Variants in SCNM1 observed in about 807,000 individuals in gnomAD.
SCNM1 encodes sodium channel modifier 1.
SCNM1 carries 24 observed loss-of-function variants against 32.8 expected under a neutral mutation model. The observed-to-expected ratio is 0.73, with a 90% CI of 0.53 to 1.03. SCNM1 has a LOEUF of 1.03. Ranked by LOEUF, SCNM1 falls within the 50% of genes least tolerant of loss-of-function variation. The pLI, the probability that SCNM1 is intolerant of heterozygous loss-of-function variation, is 0.00. For synonymous variants in SCNM1, 99 were observed against 103.2 expected (o/e 0.96, Z 0.25); for missense variants, 274 against 282.3 (o/e 0.97, Z 0.21).
rs376280597 is a variant in SCNM1 at position 151,170,100 on chromosome 1, C to T, written c.*1015C>T. The T allele has an allele frequency of 7.8e-5, 126 of 1,614,052 alleles. No homozygotes were observed. The highest frequency in any genetic ancestry group is 9.7e-5 in the Non-Finnish European group (115 of 1,180,028). ...GCAGTGTTATCTCTTCTTTTGCTGG[C>T]GACCTGTAAAGGAGCAATATTAAAC... is the stretch of plus-strand genomic sequence containing the variant. On this transcript the variant is annotated 3_prime_UTR_variant, in exon 7 of 7. Coordinates refer to ENST00000368905, the MANE Select transcript of SCNM1 (RefSeq NM_024041.4).
chr1:151,168,002 A>C (rs1683788205), intron 5 of SCNM1, 142 bp from the exon 6 acceptor site: 1 of 976,844 alleles, frequency 1.0e-6, no homozygotes, highest in East Asian at 2.7e-5. Flanking sequence ...TCCCAAATTC[A>C]TGATTCTGAA....
Position 151,167,385 on chromosome 1 carries a change from C to T in SCNM1, c.369C>T (p.His123=). ...ITQSALHRAP[H]YNSCCRRKYR... is the part of the protein sequence containing the mutation. ...AGAGTGCTCTGCACAGAGCTCCCCA[C>T]TATAACAGTTGCTGCCGCCGGAAGT... Residue 123 remains histidine (H), a synonymous_variant, in exon 5 of 7, where the codon CAC becomes CAT. Coordinates refer to ENST00000368905, the MANE Select transcript of SCNM1 (RefSeq NM_024041.4). 1 of 1,614,198 alleles carries T rather than the reference C, an allele frequency of 6.2e-7. No homozygotes were observed. Among genetic ancestry groups the T allele is most frequent in the Non-Finnish European group, 8.5e-7 (1 of 1,180,052 alleles).
In SCNM1 at chr1:151,168,293, G is replaced by GCC. The variant is rs1558206223; in HGVS notation, c.551_552dup (p.Thr185ProfsTer27). 1.2e-6 allele frequency: 2 copies of GCC among 1,613,860 alleles called. No individual in the cohort carries two copies. Among genetic ancestry groups the GCC allele is most frequent in the Non-Finnish European group, 1.7e-6 (2 of 1,179,922 alleles). ...ACTGTCTCAGCCCCTGCACCCATGAGCCCCACAAGAAGACGAGCCCTGGAC... is the reference window on the plus strand; with the variant it reads ...ACTGTCTCAGCCCCTGCACCCATGAGCCCCCCACAAGAAGACGAGCCCTGGAC... On this transcript the variant is annotated frameshift_variant, in exon 6 of 7. Transcript: ENST00000368905. LOFTEE classifies it high-confidence loss of function.
At position 151,169,525 on chromosome 1, in the gene SCNM1, T is replaced by A. The variant is rs1057397237; in HGVS notation, c.*440T>A. 9 of 180,090 alleles carry A rather than the reference T, an allele frequency of 5.0e-5. No homozygotes were observed. Among genetic ancestry groups the A allele is most frequent in the Non-Finnish European group, 1.1e-4 (9 of 83,652 alleles). The allele number at this position is 180,090 out of a possible 1,614,324, so 11.2% of individuals were successfully genotyped here. A position where few individuals can be genotyped will look rare whatever the true frequency, so the allele number is the denominator to read the frequency against. ...TCCCAAAGTGCTGGGATTACAGGCA[T>A]GAGCCACCGCACCCAGCCACGGCTA... On this transcript the variant is annotated 3_prime_UTR_variant, in exon 7 of 7. Coordinates refer to ENST00000368905, the MANE Select transcript of SCNM1 (RefSeq NM_024041.4).
At chr1:151,167,522 C>G (rs751291179) in intron 5 of SCNM1, 108 bp downstream of exon 5, 2 of 1,478,026 alleles carry the variant, frequency 1.4e-6, no homozygotes, top group South Asian at 1.1e-5. Flanking sequence ...GGAGATGTTA[C>G]TTAGTGTTTC....
rs1683766101 is a variant in SCNM1, at chr1:151,167,587, T to A, written c.398+173T>A. On this transcript the variant is annotated intron_variant, in intron 5 of 6. Transcript: ENST00000368905. Reference sequence around the variant, plus strand: ...TGACTCACGCCTGTAATCCCAGCACTTTTGGAGGCTGAGGTGGGTGGATCA... The same window carrying A: ...TGACTCACGCCTGTAATCCCAGCACATTTGGAGGCTGAGGTGGGTGGATCA... The A allele has an allele frequency of 3.8e-6, 3 of 779,268 alleles. No homozygotes were observed. The East Asian group carries it at 8.8e-5, about 23-fold the overall frequency. 48.3% of individuals were successfully genotyped at this position (779,268 alleles called of 1,614,324 possible).
rs1243077446 is a variant in SCNM1, at chr1:151,170,179, G to C, written c.*1094G>C. The C allele has an allele frequency of 6.4e-7, 1 of 1,567,308 alleles. No individual in the cohort carries two copies. ...TGCAAAGGCACTCTTCTCCTTTCCA[G>C]TCCCTTAGCCAAACTCATAAATTGG... On this transcript the variant is annotated 3_prime_UTR_variant, in exon 7 of 7. Coordinates refer to ENST00000368905, the MANE Select transcript of SCNM1 (RefSeq NM_024041.4).
rs956042661 is a variant in SCNM1 at position 151,169,879 on chromosome 1, G to A, written c.*794G>A. 2.0e-5 allele frequency: 12 copies of A among 597,256 alleles called. No homozygotes were observed. In the African/African-American group the frequency reaches 2.2e-4, roughly 11 times the overall value. 37.0% of individuals were successfully genotyped at this position (597,256 alleles called of 1,614,324 possible). ...TCCTCCTAGTAACCTGAACCTCCCT[G>A]CCTGCTGATCCCCAGAGTATAAATA... On this transcript the variant is annotated 3_prime_UTR_variant, in exon 7 of 7. Coordinates refer to ENST00000368905, the MANE Select transcript of SCNM1 (RefSeq NM_024041.4).
chr1:151,168,083 G>T, intron 5 of SCNM1, 61 bp from the exon 6 acceptor site: 2 of 1,491,070 alleles, frequency 1.3e-6, no homozygotes, highest in South Asian at 1.3e-5. Flanking sequence ...AAGAGGTTGG[G>T]AGTCATAGGA....
intron 6 of SCNM1, 26 bp from the exon 7 acceptor site, chr1:151,168,960 G>A (rs1397318959): frequency 1.9e-6 from 3 of 1,613,300 alleles, no homozygotes; most frequent in African/African-American, 2.7e-5. Context: ...TTTCCTGATC[G>A]ATGCTATTTT....
chr1:151,170,151 T>G lies in SCNM1; in HGVS notation c.*1066T>G. On this transcript the variant is annotated 3_prime_UTR_variant, in exon 7 of 7. Coordinates refer to ENST00000368905, the MANE Select transcript of SCNM1 (RefSeq NM_024041.4). ...ATAAGTGTTTGTTCCAGCTCCTGCT[T>G]TCTGCAAAGGCACTCTTCTCCTTTC... The G allele has an allele frequency of 6.2e-7, 1 of 1,611,870 alleles. No homozygotes were observed. Among genetic ancestry groups the G allele is most frequent in the Non-Finnish European group, 8.5e-7 (1 of 1,177,976 alleles).
chr1:151,166,594 A>T (rs1683713658), intron 2 of SCNM1, 53 bp downstream of exon 2: 1 of 1,563,902 alleles, frequency 6.4e-7, no homozygotes, highest in Admixed American at 2.0e-5. Flanking sequence ...GAGGCTCAAT[A>T]GACTTTTTTT....
intron 1 of SCNM1, 93 bp downstream of exon 1, chr1:151,166,296 G>C: frequency 6.5e-7 from 1 of 1,544,626 alleles, no homozygotes; most frequent in Non-Finnish European, 8.7e-7. Context: ...ACAACTCGGG[G>C]GTGCAGGAGA....
In SCNM1 at chr1:151,170,132, G is replaced by A. The variant is rs767646729; in HGVS notation, c.*1047G>A. Reference sequence around the variant, plus strand: ...TAAAGGAGCAATATTAAACATAAGTGTTTGTTCCAGCTCCTGCTTTCTGCA... The same window carrying A: ...TAAAGGAGCAATATTAAACATAAGTATTTGTTCCAGCTCCTGCTTTCTGCA... On this transcript the variant is annotated 3_prime_UTR_variant, in exon 7 of 7. Coordinates refer to ENST00000368905, the MANE Select transcript of SCNM1 (RefSeq NM_024041.4). The A allele has an allele frequency of 1.2e-6, 2 of 1,613,896 alleles. No individual in the cohort carries two copies. Among genetic ancestry groups the A allele is most frequent in the Non-Finnish European group, 1.7e-6 (2 of 1,179,834 alleles).
chr1:151,166,303 G>A (rs2101699515), intron 1 of SCNM1, 100 bp downstream of exon 1: 1 of 1,543,140 alleles, frequency 6.5e-7, no homozygotes, highest in Non-Finnish European at 8.8e-7. Flanking sequence ...GGGGGTGCAG[G>A]AGAGAACCAG....
Position 151,167,491 on chromosome 1 carries a change from T to C in SCNM1, c.398+77T>C, listed in dbSNP as rs761743302. ...TCTAAAAGAGTTTTCCAGTGTGTATTCTGAGGAATACTAGTGTTCTGGAGA... is the reference window on the plus strand; with the variant it reads ...TCTAAAAGAGTTTTCCAGTGTGTATCCTGAGGAATACTAGTGTTCTGGAGA... On this transcript the variant is annotated intron_variant, in intron 5 of 6. Coordinates refer to ENST00000368905, the MANE Select transcript of SCNM1 (RefSeq NM_024041.4). 1.9e-6 allele frequency: 3 copies of C among 1,563,970 alleles called. No individual in the cohort carries two copies. The Admixed American group carries it at 5.0e-5, about 26-fold the overall frequency.
At position 151,169,203 on chromosome 1, in the gene SCNM1, T is replaced by C. The variant is rs1683859044; in HGVS notation, c.*118T>C. The C allele has an allele frequency of 9.5e-7, 1 of 1,057,008 alleles. No individual in the cohort carries two copies. Among genetic ancestry groups the C allele is most frequent in the African/African-American group, 1.6e-5 (1 of 63,342 alleles). 65.5% of individuals were successfully genotyped at this position (1,057,008 alleles called of 1,614,324 possible). A position where few individuals can be genotyped will look rare whatever the true frequency, so the allele number is the denominator to read the frequency against. ...CAGATCTGTTCATTCTCATTCCAAC[T>C]ACTCCTTGCCTGCAAGGTACACAGC... On this transcript the variant is annotated 3_prime_UTR_variant, in exon 7 of 7. Coordinates refer to ENST00000368905, the MANE Select transcript of SCNM1 (RefSeq NM_024041.4).
rs1683756128 is a variant in SCNM1, at chr1:151,167,381, C to T, written c.365C>T (p.Pro122Leu). The change falls in exon 5 of 7, where the codon CCC (proline) becomes CTC (leucine). Residue 122 changes from proline (P) to leucine (L), a missense_variant. Coordinates refer to ENST00000368905, the MANE Select transcript of SCNM1 (RefSeq NM_024041.4). ...LITQSALHRA[P>L]HYNSCCRRKY... ...ACCCAGAGTGCTCTGCACAGAGCTC[C>T]CCACTATAACAGTTGCTGCCGCCGG... The T allele has an allele frequency of 6.2e-7, 1 of 1,614,104 alleles. No individual in the cohort carries two copies. Among genetic ancestry groups the T allele is most frequent in the Non-Finnish European group, 8.5e-7 (1 of 1,180,022 alleles).
intron 2 of SCNM1, 70 bp from the exon 3 acceptor site, chr1:151,166,864 G>A: frequency 1.9e-6 from 3 of 1,604,822 alleles, no homozygotes; most frequent in Non-Finnish European, 2.6e-6. Context: ...GGACAGGGTG[G>A]GACCTATGGC....
Sources: allele counts gnomAD v4.1 joint callset, GRCh38; gene constraint gnomAD v4.1.1; transcripts MANE v1.5; gene names NCBI Gene and HGNC (gene_info 2026-07-23, HGNC 2026-07-21).